The following PPP2R5C variants were observed in gnomAD, a reference collection of about 807,000 sequenced individuals.
PPP2R5C encodes the protein serine/threonine-protein phosphatase 2A 56 kDa regulatory subunit gamma isoform.
In PPP2R5C, 7 loss-of-function variants were observed where a neutral mutation model predicts 68.9. That is an observed-to-expected ratio of 0.10 (90% CI 0.06 to 0.19). The LOEUF (loss-of-function observed/expected upper bound fraction) is 0.19. PPP2R5C is among the 10% of genes least tolerant of loss of function. PPP2R5C has a pLI of 1.00. For synonymous variants in PPP2R5C, 210 were observed against 222.2 expected (o/e 0.95, Z 0.49); for missense variants, 348 against 641.3 (o/e 0.54, Z 4.94).
upstream of PPP2R5C, among the ~76,000 whole-genome samples, chr14:101,761,499 G>C (rs1257391963): frequency 1.3e-5 from 2 of 150,198 alleles, no homozygotes; most frequent in Non-Finnish European, 1.5e-5. Context: ...CGGAGAGGGT[G>C]GGGGGAGCGG....
At chr14:101,907,543 C>A (rs574229846) in intron 10 of PPP2R5C, among the ~76,000 whole-genome samples, 2 of 152,280 alleles carry the variant, frequency 1.3e-5, no homozygotes, top group South Asian at 4.1e-4. Context: ...CTTTCCCCAC[C>A]TTCTTTCATC....
intron 1 of PPP2R5C, 124 bp from the exon 2 acceptor site, chr14:101,762,781 G>C (rs1028278936): frequency 1.3e-6 from 1 of 784,960 alleles, no homozygotes; most frequent in African/African-American, 1.7e-5. Context: ...TTTCCTAATG[G>C]TATGAATTAA....
At position 101,879,836 on chromosome 14, in the gene PPP2R5C, T is replaced by C. The variant is rs968000752; in HGVS notation, c.295-2325T>C. Among the ~76,000 whole-genome samples, 12 of 152,258 alleles carry C rather than the reference T, an allele frequency of 7.9e-5. No homozygotes were observed. Among genetic ancestry groups the C allele is most frequent in the African/African-American group, 2.9e-4 (12 of 41,472 alleles). ...CAGACTTTCCTTTCTCTGCCCTTCA[T>C]GGCCCTGGAAGTTATGGAGAGCTTC... On this transcript the variant is annotated intron_variant, in intron 2 of 13. Transcript: ENST00000334743. This position sits in a 1 kb window ranked among gnomAD's most constrained non-coding sequence, Gnocchi z 4.2.
In PPP2R5C at chr14:101,781,049, G is replaced by T. The variant is rs1256245594; in HGVS notation, c.94-4969G>T. Among the ~76,000 whole-genome samples, 3 of 152,140 alleles carry T rather than the reference G, an allele frequency of 2.0e-5. No individual in the cohort carries two copies. The East Asian group carries it at 5.8e-4, about 29-fold the overall frequency. ...CCATGGAATGCAGCGTGGGGCAGCC[G>T]CTCCCCAGCCTTCCTCCCTAGCCGT... On this transcript the variant is annotated intron_variant, in intron 2 of 14. Coordinates refer to the PPP2R5C transcript ENST00000328724. This position sits in a 1 kb window ranked among gnomAD's most constrained non-coding sequence, Gnocchi z 6.4.
chr14:101,895,261 A>G (rs893613435), intron 8 of PPP2R5C, among the ~76,000 whole-genome samples: 6 of 152,232 alleles, frequency 3.9e-5, no homozygotes, highest in Non-Finnish European at 7.3e-5. Context: ...ACCCATTTAA[A>G]GAGTACAATT....
At chr14:101,851,494 G>T (rs1438216034) in intron 1 of PPP2R5C, among the ~76,000 whole-genome samples, 1 of 152,138 alleles carries the variant, frequency 6.6e-6, no homozygotes, top group Non-Finnish European at 1.5e-5. Flanking sequence ...TGACGCTGTG[G>T]TCTCTGTGTT....
At position 101,899,868 on chromosome 14, in the gene PPP2R5C, C is replaced by CT. The variant is rs1293047925; in HGVS notation, c.853-1850dup. On this transcript the variant is annotated intron_variant, in intron 8 of 13. Coordinates refer to ENST00000334743, the Ensembl canonical transcript of PPP2R5C. This position sits in a 1 kb window ranked among gnomAD's most constrained non-coding sequence, Gnocchi z 4.2. Reference sequence around the variant, plus strand: ...TAGATTTTTATGTCAGACTTGAAAACTAGCAGCACTTCCTTTTTTATTTTT... The same window carrying CT: ...TAGATTTTTATGTCAGACTTGAAAACTTAGCAGCACTTCCTTTTTTATTTTT... Among the ~76,000 whole-genome samples, 1 of 152,122 alleles carries CT rather than the reference C, an allele frequency of 6.6e-6. No individual in the cohort carries two copies. Among genetic ancestry groups the CT allele is most frequent in the Non-Finnish European group, 1.5e-5 (1 of 68,016 alleles).
intron 3 of PPP2R5C, among the ~76,000 whole-genome samples, chr14:101,787,832 A>G (rs2038189808): frequency 6.6e-6 from 1 of 151,316 alleles, no homozygotes; most frequent in African/African-American, 2.4e-5. Context: ...TTTGGCTTAT[A>G]TTTGGTTTAC....
chr14:101,911,231 G>T (rs910048327), intron 11 of PPP2R5C, among the ~76,000 whole-genome samples: 1 of 151,680 alleles, frequency 6.6e-6, no homozygotes, highest in Admixed American at 6.6e-5. Context: ...CCAAGATCAC[G>T]CCACTGCACT....
At chr14:101,878,694 G>A (rs1320275275) in intron 2 of PPP2R5C, among the ~76,000 whole-genome samples, 1 of 152,198 alleles carries the variant, frequency 6.6e-6, no homozygotes, top group East Asian at 1.9e-4. Flanking sequence ...GCCGCAGGTG[G>A]ACTCTCCTCA....
chr14:101,815,344 G>C (rs2039594654), intron 1 of PPP2R5C, among the ~76,000 whole-genome samples: 1 of 152,120 alleles, frequency 6.6e-6, no homozygotes, highest in African/African-American at 2.4e-5. Context: ...ACTGTTTTCT[G>C]TACAGTGGTA....
chr14:101,767,818 G>A (rs1403278018), intron 2 of PPP2R5C, among the ~76,000 whole-genome samples: 1 of 152,120 alleles, frequency 6.6e-6, no homozygotes, highest in Admixed American at 6.5e-5. Flanking sequence ...CTCAGCTCCC[G>A]AGCTTTGGGG....
At chr14:101,831,969 C>G (rs1469381278) in intron 1 of PPP2R5C, among the ~76,000 whole-genome samples, 1 of 152,116 alleles carries the variant, frequency 6.6e-6, no homozygotes, top group African/African-American at 2.4e-5. Flanking sequence ...CCATGGATAG[C>G]CTTGGAACCA....
chr14:101,851,892 C>T (rs138926448), intron 1 of PPP2R5C, among the ~76,000 whole-genome samples: 2 of 152,188 alleles, frequency 1.3e-5, no homozygotes, highest in Admixed American at 1.3e-4. Flanking sequence ...TTCAGCCTTA[C>T]TTCCTCATAT....
chr14:101,760,705 G>T, upstream of PPP2R5C: 4 of 959,976 alleles, frequency 4.2e-6, no homozygotes, highest in Non-Finnish European at 4.9e-6. Flanking sequence ...CCTCGCGGGA[G>T]GAGCTGCGGA....
At chr14:101,839,285 C>T (rs533949927) in intron 1 of PPP2R5C, 3 of 151,242 alleles carry the variant, frequency 2.0e-5, no homozygotes, top group Non-Finnish European at 4.4e-5. Flanking sequence ...GGGAGGCGGA[C>T]GTTGCAGTAA....
At chr14:101,864,178 T>C (rs1036887706) in intron 2 of PPP2R5C, among the ~76,000 whole-genome samples, 2 of 152,200 alleles carry the variant, frequency 1.3e-5, no homozygotes, top group African/African-American at 4.8e-5. Flanking sequence ...GTTTTCTGCA[T>C]AGACTTGGGC....
upstream of PPP2R5C, among the ~76,000 whole-genome samples, chr14:101,806,370 T>A (rs2039079075): frequency 3.9e-5 from 6 of 152,170 alleles, no homozygotes; most frequent in Admixed American, 3.9e-4. Flanking sequence ...TTTGGTTTTC[T>A]GTTCCTGTGT....
At chr14:101,885,336 C>T (rs1415643994) in intron 5 of PPP2R5C, among the ~76,000 whole-genome samples, 2 of 151,928 alleles carry the variant, frequency 1.3e-5, no homozygotes, top group Non-Finnish European at 2.9e-5. Flanking sequence ...TGCCGGCTTG[C>T]ACAGCCTGCG....
Sources: allele counts gnomAD v4.1 joint callset (sites outside exome capture counted in the v4.1 genomes callset), GRCh38; gene constraint gnomAD v4.1.1; non-coding constraint Gnocchi (gnomAD v3.1); transcripts MANE v1.5; gene names NCBI Gene and HGNC (gene_info 2026-07-23, HGNC 2026-07-21).